DDX6: variants seen among roughly 807,000 people sequenced by gnomAD.
DDX6 encodes the protein DEAD-box helicase 6.
In DDX6, 7 loss-of-function variants were observed where a neutral mutation model predicts 60.6. The ratio of observed to expected loss-of-function variants is 0.12; its 90% CI spans 0.07 to 0.22. The LOEUF (loss-of-function observed/expected upper bound fraction) is 0.22. Among genes scored for constraint, DDX6 ranks in the 10% least tolerant of loss-of-function variants. DDX6 has a pLI of 1.00. For missense variants in DDX6, 270 were observed against 589.9 expected, an observed-to-expected ratio of 0.46 and a Z score of 5.62; for synonymous variants, 207 against 201.0, an observed-to-expected ratio of 1.03 and a Z score of -0.25.
intron 2 of DDX6, 88 bp from the exon 3 acceptor site, chr11:118,781,272 A>T (rs1555164668): frequency 1.3e-6 from 1 of 797,760 alleles, no homozygotes; most frequent in African/African-American, 1.7e-5. Flanking sequence ...AGTGTTAAAA[A>T]AGCACAGTAA....
At chr11:118,773,177 T>G (rs764911971) in intron 4 of DDX6, among the ~76,000 whole-genome samples, 1 of 152,186 alleles carries the variant, frequency 6.6e-6, no homozygotes, top group Non-Finnish European at 1.5e-5. Flanking sequence ...TTTACAAAAG[T>G]GTGGTACCAA....
Position 118,752,004 on chromosome 11 carries a change from CA to C in DDX6, c.*100del. On this transcript the variant is annotated 3_prime_UTR_variant, in exon 14 of 14. Transcript: ENST00000534980. ...GAGCTCTTTTAAGTCTTCATAGTTC[CA>C]AAATAAAAGATGAAAAACCCACAAA... 3.2e-6 allele frequency: 1 copy of C among 316,984 alleles called. No homozygotes were observed. The highest frequency in any genetic ancestry group is 2.5e-5 in the South Asian group (1 of 39,976). 19.6% of individuals were successfully genotyped at this position (316,984 alleles called of 1,614,324 possible).
chr11:118,758,912 G>T lies in DDX6; in HGVS notation c.865-10C>A. 1 of 1,612,296 alleles carries T rather than the reference G, an allele frequency of 6.2e-7. No homozygotes were observed. The highest frequency in any genetic ancestry group is 1.1e-5 in the South Asian group (1 of 90,784). On this transcript the variant is annotated splice_polypyrimidine_tract_variant and intron_variant, in intron 8 of 13. Coordinates refer to ENST00000534980, the MANE Select transcript of DDX6 (RefSeq NM_004397.6). ...TCTGCAAATGGGAATTCTGGGGGGGGAGCGGGAAAAAGATGAGTCGTCGTC... is the reference window on the plus strand; with the variant it reads ...TCTGCAAATGGGAATTCTGGGGGGGTAGCGGGAAAAAGATGAGTCGTCGTC...
chr11:118,785,913 G>T, intron 2 of DDX6, 139 bp downstream of exon 2: 1 of 700,650 alleles, frequency 1.4e-6, no homozygotes, highest in Non-Finnish European at 2.3e-6. Flanking sequence ...AATACCTACT[G>T]GCCATAAAAC....
chr11:118,787,957 T>C (rs766220143), intron 1 of DDX6: 39 of 151,622 alleles, frequency 2.6e-4, no homozygotes, highest in Non-Finnish European at 3.1e-4. Flanking sequence ...CTAGTAATTT[T>C]AAGAAAACTT....
intron 7 of DDX6, among the ~76,000 whole-genome samples, chr11:118,762,298 A>G (rs1861201807): frequency 6.8e-6 from 1 of 148,034 alleles, no homozygotes; most frequent in African/African-American, 2.5e-5. Flanking sequence ...AATAATAATA[A>G]TAATAAACCT....
In DDX6 at chr11:118,751,054, A is replaced by AATATATATATATGTATAT. The variant is rs1860745761; in HGVS notation, c.*1033_*1050dup. ...TCCCAGCAACCTTCATCCAAAAAAAAATATATATATATGTATATATATATA... is the reference window on the plus strand; with the variant it reads ...TCCCAGCAACCTTCATCCAAAAAAAAATATATATATATGTATATATATATATATATGTATATATATATA... On this transcript the variant is annotated 3_prime_UTR_variant, in exon 14 of 14. Coordinates refer to ENST00000534980, the MANE Select transcript of DDX6 (RefSeq NM_004397.6). 1 of 135,010 alleles carries AATATATATATATGTATAT rather than the reference A, an allele frequency of 7.4e-6. No homozygotes were observed. The highest frequency in any genetic ancestry group is 2.8e-5 in the African/African-American group (1 of 36,024). 8.4% of individuals were successfully genotyped at this position (135,010 alleles called of 1,614,324 possible).
chr11:118,756,396 C>A, intron 10 of DDX6, 73 bp from the exon 11 acceptor site: 2 of 1,217,952 alleles, frequency 1.6e-6, no homozygotes, highest in East Asian at 2.4e-5. Flanking sequence ...TTATTTCTCC[C>A]AGACGATCAG....
intron 6 of DDX6, 87 bp from the exon 7 acceptor site, chr11:118,763,393 G>A (rs1861239949): frequency 2.0e-6 from 2 of 990,742 alleles, no homozygotes; most frequent in Non-Finnish European, 3.1e-6. Context: ...GTCCTGAGCT[G>A]CTTAATGATA....
upstream of DDX6, chr11:118,791,281 C>T (rs1429575861): frequency 2.0e-5 from 3 of 152,054 alleles, no homozygotes; most frequent in Admixed American, 6.5e-5. Flanking sequence ...CCTCGGCCGC[C>T]GCGGCTATAT....
rs1860764984 is a variant in DDX6 at position 118,751,419 on chromosome 11, T to C, written c.*686A>G. On this transcript the variant is annotated 3_prime_UTR_variant, in exon 14 of 14. Transcript: ENST00000534980. ...GGATGAACTGCAGTTGCATATCAAC[T>C]CCTCCCCAAAAAGAAAAAAAAAATG... 6.6e-6 allele frequency: 1 copy of C among 150,990 alleles called. No homozygotes were observed. Among genetic ancestry groups the C allele is most frequent in the Non-Finnish European group, 1.5e-5 (1 of 67,848 alleles). 9.4% of individuals were successfully genotyped at this position (150,990 alleles called of 1,614,324 possible). A position where few individuals can be genotyped will look rare whatever the true frequency, so the allele number is the denominator to read the frequency against.
chr11:118,783,919 C>G (rs1400707515), intron 2 of DDX6, among the ~76,000 whole-genome samples: 1 of 150,762 alleles, frequency 6.6e-6, no homozygotes, highest in Non-Finnish European at 1.5e-5. Context: ...AGTTCCAGAC[C>G]AGCCTGGGCA....
intron 9 of DDX6, 136 bp from the exon 10 acceptor site, chr11:118,757,423 T>C (rs1307321446): frequency 1.4e-5 from 7 of 496,066 alleles, no homozygotes; most frequent in Admixed American, 1.2e-4. Context: ...ATGAGAGAGA[T>C]GGTAAATTGT....
intron 4 of DDX6, among the ~76,000 whole-genome samples, chr11:118,769,837 T>C (rs1353210554): frequency 1.3e-5 from 2 of 151,996 alleles, no homozygotes; most frequent in African/African-American, 4.8e-5. Flanking sequence ...CCTGAGTAGC[T>C]GGGACTACAG....
chr11:118,753,220 GGGTCTCACCAGGTTGGCCAGGCT>G (rs1305652380), intron 13 of DDX6, among the ~76,000 whole-genome samples: 10 of 151,960 alleles, frequency 6.6e-5, no homozygotes, highest in Non-Finnish European at 1.5e-4. Context: ...AGTGGACACG[GGGTCTCACCAGGTTGGCCAGGCT>G]GGTCTTGAAG....
chr11:118,755,217 TTTTAAC>T (rs1483130589), intron 12 of DDX6, among the ~76,000 whole-genome samples, 179 bp downstream of exon 12: 1 of 152,244 alleles, frequency 6.6e-6, no homozygotes, highest in Non-Finnish European at 1.5e-5. Context: ...TAAGCAGTTA[TTTTAAC>T]TTTTCTTAAT....
intron 6 of DDX6, among the ~76,000 whole-genome samples, chr11:118,763,852 A>AAAAGAAAG (rs1555160809): frequency 6.8e-6 from 1 of 146,342 alleles, no homozygotes; most frequent in Non-Finnish European, 1.5e-5. Context: ...AAAAAAAAAA[A>AAAAGAAAG]AAAGAAAGAA....
At chr11:118,775,878 TCTA>T (rs1861681083) in intron 4 of DDX6, among the ~76,000 whole-genome samples, 1 of 152,130 alleles carries the variant, frequency 6.6e-6, no homozygotes, top group African/African-American at 2.4e-5. Flanking sequence ...CATCTATAAT[TCTA>T]GCACATTGGG....
intron 6 of DDX6, among the ~76,000 whole-genome samples, chr11:118,764,776 C>A (rs1189857571): frequency 6.7e-6 from 1 of 149,642 alleles, no homozygotes; most frequent in East Asian, 2.0e-4. Flanking sequence ...TGCACTCCAG[C>A]CTGGGCAACA....
Sources: gnomAD v4.1 joint callset for allele counts (sites outside exome capture counted in the v4.1 genomes callset) on GRCh38, gnomAD v4.1.1 for gene constraint, MANE v1.5 for transcripts, NCBI Gene and HGNC (gene_info 2026-07-23, HGNC 2026-07-21) for gene names.